Variants in PILRA observed in about 807,000 individuals in gnomAD.
PILRA encodes the protein paired immunoglobulin-like type 2 receptor alpha.
Under a neutral mutation model 33.1 loss-of-function variants are expected in PILRA, and 37 were observed. That is an observed-to-expected ratio of 1.12 (90% confidence interval 0.86 to 1.47). The LOEUF (loss-of-function observed/expected upper bound fraction) is 1.47, where lower values mean the gene tolerates loss of function less well. PILRA is among the 40% of genes most tolerant of loss of function. The probability of loss-of-function intolerance (pLI) is 0.00; values close to 1 mark genes in which losing one functional copy is unlikely to be tolerated. For missense variants in PILRA, 312 were observed against 376.2 expected, an observed-to-expected ratio of 0.83 and a Z score of 1.41; for synonymous variants, 146 against 149.9, an observed-to-expected ratio of 0.97 and a Z score of 0.19.
intron 2 of PILRA, among the ~76,000 whole-genome samples, chr7:100,381,824 T>TGGCC (rs1377660293): frequency 2.0e-5 from 3 of 151,982 alleles, no homozygotes; most frequent in African/African-American, 7.3e-5. Flanking sequence ...GCACTCGGAG[T>TGGCC]GGCCGGCCGG....
chr7:100,397,892 T>C lies in PILRA; in HGVS notation c.687T>C (p.Thr229=), dbSNP rs1386121785. Residue 229 remains threonine (T), a synonymous_variant, in exon 4 of 7, where the codon ACT becomes ACC. Transcript: ENST00000198536. ...GTCCCCCTACAGGTCAGCAGCGGAC[T>C]AAAGCCACAACCCCAGCCAGGTGAG... is the stretch of plus-strand genomic sequence containing the variant. The part of the protein sequence containing the change: ...RWRRRKGQQR[T]KATTPAREPF... The C allele has an allele frequency of 3.7e-6, 6 of 1,613,868 alleles. No homozygotes were observed. The highest frequency in any genetic ancestry group is 5.1e-6 in the Non-Finnish European group (6 of 1,179,930).
intron 2 of PILRA, among the ~76,000 whole-genome samples, chr7:100,386,417 T>G (rs892754337): frequency 4.6e-5 from 7 of 151,952 alleles, no homozygotes; most frequent in African/African-American, 1.5e-4. Context: ...GACACGAGAA[T>G]CCCTTGAAGC....
At chr7:100,398,222 G>A (rs1307410419) in intron 4 of PILRA, among the ~76,000 whole-genome samples, 1 of 152,068 alleles carries the variant, frequency 6.6e-6, no homozygotes, top group Non-Finnish European at 1.5e-5. Flanking sequence ...AGCTTTTCCT[G>A]CTCTTTACCT....
chr7:100,371,435 G>C (rs994791464), upstream of PILRA, among the ~76,000 whole-genome samples: 1 of 152,164 alleles, frequency 6.6e-6, no homozygotes, highest in African/African-American at 2.4e-5. Context: ...ATGGGATGTC[G>C]ATTGGGATCA....
Position 100,399,826 on chromosome 7 carries a change from C to T in PILRA, c.831C>T (p.Ser277=), listed in dbSNP as rs779277805. Residue 277 remains serine, a synonymous_variant, in exon 7 of 7, where the codon TCC becomes TCT. Coordinates refer to ENST00000198536, the MANE Select transcript of PILRA (RefSeq NM_013439.3). The part of the protein sequence containing the change: ...IVYASLALSS[S]TSPRAPPSHR... ...ATGCTTCCCTTGCCCTCTCCAGCTC[C>T]ACCTCACCCAGAGCACCTCCCAGCC... 2 of 1,613,514 alleles carry T rather than the reference C, an allele frequency of 1.2e-6. No homozygotes were observed. The highest frequency in any genetic ancestry group is 2.2e-5 in the South Asian group (2 of 91,006).
chr7:100,381,280 A>C (rs192666183), intron 2 of PILRA, among the ~76,000 whole-genome samples: 50 of 152,074 alleles, frequency 3.3e-4, no homozygotes, highest in Non-Finnish European at 6.0e-4. Flanking sequence ...AAAAACAAAC[A>C]AACAAACAAA....
chr7:100,393,022 G>A (rs1303942313), intron 3 of PILRA, among the ~76,000 whole-genome samples: 6 of 152,204 alleles, frequency 3.9e-5, no homozygotes, highest in African/African-American at 1.4e-4. Flanking sequence ...GCTCATGCCT[G>A]TAATCCTACC....
intron 2 of PILRA, among the ~76,000 whole-genome samples, chr7:100,378,206 GC>G (rs1790998183): frequency 1.3e-5 from 2 of 151,136 alleles, no homozygotes; most frequent in Non-Finnish European, 2.9e-5. Context: ...AAAAAAATTA[GC>G]CAGTTGTGGT....
chr7:100,375,039 C>CT (rs1481972695), intron 2 of PILRA, among the ~76,000 whole-genome samples: 1 of 152,176 alleles, frequency 6.6e-6, no homozygotes, highest in Non-Finnish European at 1.5e-5. Flanking sequence ...CCTGACCTGT[C>CT]TCGCCTCTTC....
chr7:100,392,425 C>T (rs1791406672), intron 3 of PILRA, among the ~76,000 whole-genome samples: 1 of 152,140 alleles, frequency 6.6e-6, no homozygotes, highest in African/African-American at 2.4e-5. Flanking sequence ...AGGCTGTGCA[C>T]CTCACCTTCC....
Position 100,390,007 on chromosome 7 carries a change from A to G in PILRA, c.574A>G (p.Ile192Val). Reference sequence around the variant, plus strand: ...CAAACGACGCTCAGACTCTTGGCACATAAGTCTGGAGACTGCTGTGGGGGT... The same window carrying G: ...CAAACGACGCTCAGACTCTTGGCACGTAAGTCTGGAGACTGCTGTGGGGGT... ...QGKRRSDSWH[I>V]SLETAVGVAV... Residue 192 changes from isoleucine to valine, a missense_variant, in exon 3 of 7, where the codon ATA becomes GTA. Ile to Val is a conservative substitution (Grantham distance 29). Coordinates refer to ENST00000198536, the MANE Select transcript of PILRA (RefSeq NM_013439.3). 6.2e-7 allele frequency: 1 copy of G among 1,614,148 alleles called. No individual in the cohort carries two copies. Among genetic ancestry groups the G allele is most frequent in the Non-Finnish European group, 8.5e-7 (1 of 1,180,016 alleles).
Position 100,399,929 on chromosome 7 carries a change from A to C in PILRA, c.*22A>C. On this transcript the variant is annotated 3_prime_UTR_variant, in exon 7 of 7. Transcript: ENST00000198536. ...CTAACCAATGGACAGCCCTCTCAAG[A>C]CTGAATGGTGAGGCCAGGTACAGTG... 6.3e-7 allele frequency: 1 copy of C among 1,576,312 alleles called. No homozygotes were observed. Among genetic ancestry groups the C allele is most frequent in the Non-Finnish European group, 8.6e-7 (1 of 1,161,064 alleles).
intron 6 of PILRA, 22 bp from the exon 7 acceptor site, chr7:100,399,763 T>C: frequency 6.2e-7 from 1 of 1,610,634 alleles, no homozygotes; most frequent in South Asian, 1.1e-5. Context: ...GTCTAACCCT[T>C]TCTCTCTGGG....
At position 100,397,911 on chromosome 7, in the gene PILRA, A is replaced by C. The variant is rs754646816; in HGVS notation, c.706A>C (p.Arg236=). The C allele has an allele frequency of 1.9e-6, 3 of 1,613,926 alleles. No homozygotes were observed. Among genetic ancestry groups the C allele is most frequent in the Non-Finnish European group, 2.5e-6 (3 of 1,179,818 alleles). ...GCGGACTAAAGCCACAACCCCAGCC[A>C]GGTGAGTGCTGGGCCTCCCCAGGGT... is the stretch of plus-strand genomic sequence containing the variant. ...QQRTKATTPA[R]EPFQNTEEPY... is the part of the protein sequence containing the mutation. The change falls in exon 4 of 7, where the codon AGG becomes CGG. Residue 236 remains arginine (R), a splice_region_variant and synonymous_variant. Coordinates refer to ENST00000198536, the MANE Select transcript of PILRA (RefSeq NM_013439.3).
intron 1 of PILRA, 55 bp from the exon 2 acceptor site, chr7:100,373,989 T>A: frequency 6.3e-7 from 1 of 1,584,726 alleles, no homozygotes. Flanking sequence ...TCACCCTCTT[T>A]GTGTCTTGAG....
chr7:100,393,691 T>A (rs1487172644), intron 3 of PILRA, among the ~76,000 whole-genome samples: 1 of 152,138 alleles, frequency 6.6e-6, no homozygotes, highest in African/African-American at 2.4e-5. Flanking sequence ...ACACTCAGGT[T>A]CCTACCTTTC....
rs1222829410 is a variant in PILRA at position 100,396,767 on chromosome 7, CTT to C, written c.674-1109_674-1108del. On this transcript the variant is annotated intron_variant, in intron 3 of 6. Coordinates refer to ENST00000198536, the MANE Select transcript of PILRA (RefSeq NM_013439.3). ...AAATGACAAATATTGTATGATTCCA[CTT>C]TTCGGTGGTGCCTAGAGATATTAAA... 2.0e-5 allele frequency among the ~76,000 whole-genome samples: 3 copies of C among 152,092 alleles called. No homozygotes were observed. In the East Asian group the frequency reaches 5.8e-4, roughly 29 times the overall value.
chr7:100,373,440 T>G, upstream of PILRA: 1 of 608,100 alleles, frequency 1.6e-6, no homozygotes. Flanking sequence ...GGGAGGCCCT[T>G]TTGCAATAGG....
chr7:100,399,942 G>C lies in PILRA; in HGVS notation c.*35G>C. 6.4e-7 allele frequency: 1 copy of C among 1,556,016 alleles called. No individual in the cohort carries two copies. Among genetic ancestry groups the C allele is most frequent in the Non-Finnish European group, 8.7e-7 (1 of 1,149,666 alleles). ...AGCCCTCTCAAGACTGAATGGTGAGGCCAGGTACAGTGGCGCACACCTGTA... is the reference window on the plus strand; with the variant it reads ...AGCCCTCTCAAGACTGAATGGTGAGCCCAGGTACAGTGGCGCACACCTGTA... On this transcript the variant is annotated 3_prime_UTR_variant, in exon 7 of 7. Coordinates refer to ENST00000198536, the MANE Select transcript of PILRA (RefSeq NM_013439.3).
Sources: allele counts gnomAD v4.1 joint callset (sites outside exome capture counted in the v4.1 genomes callset), GRCh38; gene constraint gnomAD v4.1.1; transcripts MANE v1.5; gene names NCBI Gene and HGNC (gene_info 2026-07-23, HGNC 2026-07-21).